SMYD3: variants seen among roughly 807,000 people sequenced by gnomAD.
The protein encoded by SMYD3 is histone-lysine N-methyltransferase SMYD3.
A neutral mutation model predicts 57.7 loss-of-function variants in SMYD3; 36 were observed. That is an observed-to-expected ratio of 0.62 (90% CI 0.48 to 0.82). The LOEUF (loss-of-function observed/expected upper bound fraction) is 0.82, where lower values mean the gene tolerates loss of function less well. SMYD3 is among the 40% of genes least tolerant of loss of function. SMYD3 has a pLI of 0.00. For missense variants in SMYD3, 515 were observed against 538.8 expected (o/e 0.96, Z 0.44); for synonymous variants, 211 against 195.0 (o/e 1.08, Z -0.68).
intron 11 of SMYD3, among the ~76,000 whole-genome samples, chr1:245,762,649 G>A (rs1341689578): frequency 2.0e-5 from 3 of 152,298 alleles, no homozygotes; most frequent in Middle Eastern, 3.4e-3. Context: ...TGTTACTCCC[G>A]TTGGCCACAC....
chr1:246,140,044 G>C (rs2061727813), intron 5 of SMYD3, among the ~76,000 whole-genome samples: 1 of 152,096 alleles, frequency 6.6e-6, no homozygotes. Flanking sequence ...ACATAAGAAT[G>C]GACAAATCAT....
At chr1:246,302,623 G>C (rs2064910383) in intron 5 of SMYD3, among the ~76,000 whole-genome samples, 1 of 152,100 alleles carries the variant, frequency 6.6e-6, no homozygotes, top group African/African-American at 2.4e-5. Flanking sequence ...GTTAGGGTTA[G>C]CTAAGTAGGC....
At chr1:246,112,593 T>C (rs1429518816) in intron 5 of SMYD3, among the ~76,000 whole-genome samples, 3 of 152,202 alleles carry the variant, frequency 2.0e-5, no homozygotes, top group Non-Finnish European at 4.4e-5. Context: ...CTCCTTCATA[T>C]GCTACAATAC....
intron 5 of SMYD3, chr1:245,956,103 A>C: frequency 2.1e-6 from 2 of 972,972 alleles, no homozygotes; most frequent in South Asian, 9.5e-5. Flanking sequence ...CATTTTTCAG[A>C]GATGGGGTCT....
intron 5 of SMYD3, among the ~76,000 whole-genome samples, chr1:246,230,740 T>C (rs964884028): frequency 1.3e-5 from 2 of 152,218 alleles, no homozygotes; most frequent in Non-Finnish European, 2.9e-5. Context: ...GATACAATCT[T>C]TTCTATCAGC....
intron 5 of SMYD3, among the ~76,000 whole-genome samples, chr1:246,138,836 T>C (rs2061706838): frequency 1.3e-5 from 2 of 152,174 alleles, no homozygotes; most frequent in Non-Finnish European, 2.9e-5. Context: ...CTCAGGTCTG[T>C]CAAGTTTGCT....
intron 1 of SMYD3, among the ~76,000 whole-genome samples, chr1:246,376,434 T>C (rs931058137): frequency 1.3e-5 from 2 of 150,814 alleles, no homozygotes; most frequent in African/African-American, 4.9e-5. Flanking sequence ...CTACTAAAAA[T>C]ACAAAAATTA....
intron 1 of SMYD3, among the ~76,000 whole-genome samples, chr1:246,383,959 A>C (rs181808239): frequency 6.6e-6 from 1 of 152,296 alleles, no homozygotes; most frequent in African/African-American, 2.4e-5. Context: ...GGAAACACAA[A>C]GGCATTAAAT....
intron 5 of SMYD3, among the ~76,000 whole-genome samples, chr1:245,991,534 G>C (rs570531025): frequency 3.0e-4 from 45 of 152,316 alleles, no homozygotes; most frequent in African/African-American, 1.1e-3. Context: ...CAGAGCCACA[G>C]TCAACTCAAA....
intron 5 of SMYD3, among the ~76,000 whole-genome samples, chr1:245,936,422 G>A (rs1372035809): frequency 6.6e-6 from 1 of 151,518 alleles, no homozygotes; most frequent in African/African-American, 2.4e-5. Flanking sequence ...GATTTGGAAT[G>A]TGCTTGCACT....
intron 10 of SMYD3, among the ~76,000 whole-genome samples, chr1:245,823,431 A>G (rs1230966100): frequency 6.6e-6 from 1 of 152,200 alleles, no homozygotes; most frequent in Non-Finnish European, 1.5e-5. Context: ...CGATGAAATG[A>G]AAGAAGGGCA....
At chr1:245,898,697 G>A (rs1049929384) in intron 8 of SMYD3, among the ~76,000 whole-genome samples, 4 of 152,152 alleles carry the variant, frequency 2.6e-5, no homozygotes, top group Non-Finnish European at 4.4e-5. Flanking sequence ...TGATAGACAT[G>A]GTGTTTCAAA....
At chr1:246,363,313 C>T (rs530362785) in intron 1 of SMYD3, among the ~76,000 whole-genome samples, 4 of 151,630 alleles carry the variant, frequency 2.6e-5, no homozygotes, top group African/African-American at 7.3e-5. Context: ...GTCAGCCCCC[C>T]GCCCGGCCAG....
At chr1:245,945,487 C>G (rs1035884141) in intron 5 of SMYD3, among the ~76,000 whole-genome samples, 1 of 152,090 alleles carries the variant, frequency 6.6e-6, no homozygotes, top group Admixed American at 6.6e-5. Context: ...GGCAAGGCTG[C>G]AAAGAAATAG....
intron 5 of SMYD3, among the ~76,000 whole-genome samples, chr1:246,235,558 A>G (rs796852641): frequency 7.8e-6 from 1 of 127,840 alleles, no homozygotes; most frequent in Non-Finnish European, 1.8e-5. Flanking sequence ...AGACAGACAA[A>G]AAGACATGTA....
chr1:245,874,378 G>C (rs1434045005), intron 8 of SMYD3, among the ~76,000 whole-genome samples: 1 of 152,198 alleles, frequency 6.6e-6, no homozygotes, highest in Non-Finnish European at 1.5e-5. Flanking sequence ...CTGAATTAAA[G>C]GAATAGTTTA....
intron 5 of SMYD3, among the ~76,000 whole-genome samples, chr1:245,950,049 C>T (rs1311138053): frequency 6.6e-6 from 1 of 152,012 alleles, no homozygotes; most frequent in Non-Finnish European, 1.5e-5. Context: ...AATTGTTAGA[C>T]CAGGAGTGCA....
chr1:245,840,506 G>C (rs1220216311), intron 10 of SMYD3, among the ~76,000 whole-genome samples: 3 of 151,956 alleles, frequency 2.0e-5, no homozygotes, highest in Non-Finnish European at 1.5e-5. Context: ...GAAGTTGATG[G>C]AACAAGAAAT....
At chr1:246,341,093 T>C (rs2065626745) in intron 2 of SMYD3, among the ~76,000 whole-genome samples, 1 of 152,366 alleles carries the variant, frequency 6.6e-6, no homozygotes, top group South Asian at 2.1e-4. Context: ...GTCTTTCTCT[T>C]TATAGCTTTC....
Sources: gnomAD v4.1 joint callset for allele counts (sites outside exome capture counted in the v4.1 genomes callset) on GRCh38, gnomAD v4.1.1 for gene constraint, MANE v1.5 for transcripts, NCBI Gene and HGNC (gene_info 2026-07-23, HGNC 2026-07-21) for gene names.